Variants in VPS41 observed in about 807,000 individuals in gnomAD.
The protein encoded by VPS41 is VPS41 subunit of HOPS complex.
VPS41 carries 85 observed loss-of-function variants against 130.9 expected under a neutral mutation model. The observed-to-expected ratio is 0.65, with a 90% confidence interval of 0.55 to 0.78. The LOEUF is 0.78. Ranked by LOEUF, VPS41 falls within the 30% of genes least tolerant of loss-of-function variation. VPS41 has a pLI of 0.00. For missense variants in VPS41, 874 were observed against 1,018.7 expected (o/e 0.86, Z 1.93); for synonymous variants, 335 against 332.9 (o/e 1.01, Z -0.07).
rs145739375 is a variant in VPS41 at position 38,820,107 on chromosome 7, C to T, written c.384+1096G>A. ...AACCTGAACTGACCCTGAGCTCTTCCGTCTTTCATCACCCTCATCCAAGCC... is the reference window on the plus strand; with the variant it reads ...AACCTGAACTGACCCTGAGCTCTTCTGTCTTTCATCACCCTCATCCAAGCC... On this transcript the variant is annotated intron_variant, in intron 6 of 28. Transcript: ENST00000310301. 3.0e-3 allele frequency among the ~76,000 whole-genome samples: 452 copies of T among 152,272 alleles called. 2 individuals carry two copies. The highest frequency in any genetic ancestry group is 0.011 in the African/African-American group (440 of 41,554).
chr7:38,814,593 C>T (rs37474), intron 7 of VPS41, among the ~76,000 whole-genome samples: 147,841 of 152,222 alleles, frequency 0.97, 71,837 homozygotes, highest in East Asian at 1. Flanking sequence ...GAGCTTGCAG[C>T]GAGCCGAGAT....
intron 4 of VPS41, among the ~76,000 whole-genome samples, chr7:38,837,863 C>CA (rs534550154): frequency 5.9e-5 from 9 of 151,712 alleles, no homozygotes; most frequent in African/African-American, 1.4e-4. Context: ...TAGATTTCTA[C>CA]AAAAAAAATA....
chr7:38,806,654 T>C (rs981060669), intron 7 of VPS41, among the ~76,000 whole-genome samples: 1 of 152,136 alleles, frequency 6.6e-6, no homozygotes, highest in Non-Finnish European at 1.5e-5. Context: ...GACACAAATA[T>C]TGTTAATAAT....
rs117519403 is a variant in VPS41, at chr7:38,853,061, C to T, written c.246+9484G>A. 2.3e-3 allele frequency among the ~76,000 whole-genome samples: 355 copies of T among 152,288 alleles called. 11 individuals carry two copies. The South Asian group carries it at 0.062, about 27-fold the overall frequency. ...CCAAGATACTACTAGATAATTAACACAATATACATGAAGACAAGAAGTCCA... is the reference window on the plus strand; with the variant it reads ...CCAAGATACTACTAGATAATTAACATAATATACATGAAGACAAGAAGTCCA... On this transcript the variant is annotated intron_variant, in intron 4 of 28. Transcript: ENST00000310301.
intron 2 of VPS41, among the ~76,000 whole-genome samples, chr7:38,884,528 C>T (rs997840486): frequency 1.3e-4 from 19 of 151,792 alleles, no homozygotes; most frequent in African/African-American, 3.1e-4. Flanking sequence ...TTTTTATTTG[C>T]TTTTTTTGTA....
chr7:38,875,610 T>C (rs1434262555), intron 2 of VPS41, among the ~76,000 whole-genome samples: 1 of 152,204 alleles, frequency 6.6e-6, no homozygotes, highest in Non-Finnish European at 1.5e-5. Flanking sequence ...TCAAGAAAAC[T>C]ACATAAACAA....
At chr7:38,796,721 G>C (rs761219026) in intron 8 of VPS41, 24 bp downstream of exon 8, 14 of 1,613,138 alleles carry the variant, frequency 8.7e-6, no homozygotes, top group African/African-American at 1.3e-5. Flanking sequence ...ACAAGCATTA[G>C]GAAGACAGAG....
intron 4 of VPS41, among the ~76,000 whole-genome samples, chr7:38,849,525 T>G (rs1194485700): frequency 6.6e-6 from 1 of 152,208 alleles, no homozygotes; most frequent in Non-Finnish European, 1.5e-5. Flanking sequence ...AGTTTTCTCC[T>G]GAAGTCTGGC....
chr7:38,823,454 T>C (rs1785214285), intron 5 of VPS41, among the ~76,000 whole-genome samples: 1 of 152,224 alleles, frequency 6.6e-6, no homozygotes, highest in Non-Finnish European at 1.5e-5. Flanking sequence ...TATTTTGTTA[T>C]GGCAACACAA....
chr7:38,724,616 G>A lies in VPS41; in HGVS notation c.*1630C>T, dbSNP rs1257416048. The A allele has an allele frequency of 3.4e-5, 3 of 89,406 alleles. No homozygotes were observed. The highest frequency in any genetic ancestry group is 9.0e-5 in the Admixed American group (1 of 11,064). The allele number at this position is 89,406 out of a possible 1,614,324, so 5.5% of individuals were successfully genotyped here. On this transcript the variant is annotated 3_prime_UTR_variant, in exon 29 of 29. Transcript: ENST00000310301. ...TTTCTTTTCTTTTCTTTTTTGAGACGGAGTTTTGCTCTTGTTGCCCAGGCT... is the reference window on the plus strand; with the variant it reads ...TTTCTTTTCTTTTCTTTTTTGAGACAGAGTTTTGCTCTTGTTGCCCAGGCT...
chr7:38,851,462 G>C (rs975795634), intron 4 of VPS41, among the ~76,000 whole-genome samples: 6 of 152,146 alleles, frequency 3.9e-5, no homozygotes, highest in Admixed American at 1.3e-4. Context: ...TAACACAATA[G>C]AGCTGAGATT....
intron 2 of VPS41, among the ~76,000 whole-genome samples, chr7:38,885,442 G>C (rs1786704683): frequency 6.6e-6 from 1 of 152,106 alleles, no homozygotes; most frequent in Non-Finnish European, 1.5e-5. Flanking sequence ...AAACCCTACA[G>C]AAAATGATCA....
At chr7:38,784,561 G>A (rs1158968227) in intron 10 of VPS41, among the ~76,000 whole-genome samples, 4 of 151,832 alleles carry the variant, frequency 2.6e-5, no homozygotes, top group Non-Finnish European at 5.9e-5. Context: ...CTTTGGCCCA[G>A]GAGGCTGAGG....
chr7:38,865,179 G>C (rs1279480712), intron 3 of VPS41, among the ~76,000 whole-genome samples: 1 of 152,152 alleles, frequency 6.6e-6, no homozygotes, highest in Non-Finnish European at 1.5e-5. Flanking sequence ...GACTTCCCTG[G>C]AAACAGTCGA....
At chr7:38,897,620 G>A (rs1787033461) in intron 2 of VPS41, among the ~76,000 whole-genome samples, 1 of 143,724 alleles carries the variant, frequency 7.0e-6, no homozygotes, top group African/African-American at 2.6e-5. Flanking sequence ...ACTCCAGCCT[G>A]GGCAACAGAG....
chr7:38,876,015 G>C (rs181994368), intron 2 of VPS41, among the ~76,000 whole-genome samples: 1 of 152,288 alleles, frequency 6.6e-6, no homozygotes, highest in Non-Finnish European at 1.5e-5. Flanking sequence ...TAAATGAGTA[G>C]TTCTCAGCCA....
At chr7:38,780,247 AGTGGCT>A (rs1784333040) in intron 10 of VPS41, among the ~76,000 whole-genome samples, 1 of 150,270 alleles carries the variant, frequency 6.7e-6, no homozygotes, top group Non-Finnish European at 1.5e-5. Flanking sequence ...CACAAAAGAC[AGTGGCT>A]TTACTTCAGA....
chr7:38,743,303 T>G (rs1795920847), intron 24 of VPS41, 99 bp downstream of exon 24: 1 of 1,416,780 alleles, frequency 7.1e-7, no homozygotes, highest in African/African-American at 1.4e-5. Context: ...CGCTACCATT[T>G]TCTTAACCCA....
chr7:38,898,216 A>C (rs1787056299), intron 1 of VPS41, 87 bp from the exon 2 acceptor site: 1 of 1,120,208 alleles, frequency 8.9e-7, no homozygotes, highest in Non-Finnish European at 1.3e-6. Context: ...TGTTCCTACT[A>C]CCACGCATCT....
Sources: allele counts gnomAD v4.1 joint callset (sites outside exome capture counted in the v4.1 genomes callset), GRCh38; gene constraint gnomAD v4.1.1; transcripts MANE v1.5; gene names NCBI Gene and HGNC (gene_info 2026-07-23, HGNC 2026-07-21).